The following ARID1B variants were observed in gnomAD, a reference collection of about 807,000 sequenced individuals.
The protein encoded by ARID1B is AT-rich interactive domain-containing protein 1B.
In ARID1B, 30 loss-of-function variants were observed where a neutral mutation model predicts 212.3. The ratio of observed to expected loss-of-function variants is 0.14; its 90% CI spans 0.11 to 0.19. The LOEUF is 0.19. Among genes scored for constraint, ARID1B ranks in the 10% least tolerant of loss-of-function variants. The pLI is 1.00. For missense variants in ARID1B, 2,891 were observed against 3,204.0 expected, an observed-to-expected ratio of 0.90 and a Z score of 2.36; for synonymous variants, 1,402 against 1,301.7, an observed-to-expected ratio of 1.08 and a Z score of -1.66.
intron 2 of ARID1B, among the ~76,000 whole-genome samples, chr6:156,836,906 CCA>C (rs1378393438): frequency 8.6e-5 from 13 of 150,864 alleles, no homozygotes; most frequent in African/African-American, 3.2e-4. Context: ...CTCAAGCGAT[CCA>C]CTTGCCTTGG....
At position 157,004,918 on chromosome 6, in the gene ARID1B, T is replaced by G. The variant is rs1216686417; in HGVS notation, c.2247+69342T>G. 3.2e-4 allele frequency among the ~76,000 whole-genome samples: 40 copies of G among 126,314 alleles called. 1 individual carries two copies. Among genetic ancestry groups the G allele is most frequent in the Non-Finnish European group, 2.8e-4 (17 of 60,576 alleles). The allele number at this position is 126,314 out of a possible 152,430, so 82.9% of individuals were successfully genotyped here. ...TTTTCTTTTTTTTTTTTTTTTTTTT[T>G]TTTTTTTTTTTTTGAGATGAGCCTT... On this transcript the variant is annotated intron_variant, in intron 4 of 19. Coordinates refer to ENST00000636930, the MANE Select transcript of ARID1B (RefSeq NM_001374828.1).
At position 157,080,080 on chromosome 6, in the gene ARID1B, A is replaced by G. The variant is rs536827600; in HGVS notation, c.2248-4582A>G. 2.0e-5 allele frequency among the ~76,000 whole-genome samples: 3 copies of G among 152,292 alleles called. No homozygotes were observed. In the South Asian group the frequency reaches 6.2e-4, roughly 32 times the overall value. ...ACCTGAACTGGTCTCATTGATTGAA[A>G]TATCTTCTCTATTTCTGATTCAGTG... is the stretch of plus-strand genomic sequence containing the variant. On this transcript the variant is annotated intron_variant, in intron 4 of 19. Transcript: ENST00000636930.
intron 1 of ARID1B, among the ~76,000 whole-genome samples, chr6:156,799,203 A>G (rs1183445155): frequency 3.5e-5 from 4 of 113,392 alleles, no homozygotes; most frequent in African/African-American, 6.3e-5. Flanking sequence ...TAATTCATCA[A>G]ATAATTTCTA....
At chr6:157,048,716 G>A (rs1188797918) in intron 4 of ARID1B, among the ~76,000 whole-genome samples, 1 of 152,142 alleles carries the variant, frequency 6.6e-6, no homozygotes, top group Non-Finnish European at 1.5e-5. Flanking sequence ...TGTCATAGTC[G>A]CCTGATCTCA....
At chr6:157,063,968 A>T (rs1400207942) in intron 4 of ARID1B, among the ~76,000 whole-genome samples, 1 of 152,098 alleles carries the variant, frequency 6.6e-6, no homozygotes, top group Non-Finnish European at 1.5e-5. Flanking sequence ...CTGCAGGCTG[A>T]CCTCTGTAGG....
intron 2 of ARID1B, among the ~76,000 whole-genome samples, chr6:156,837,083 GTTTC>G (rs1433028874): frequency 3.3e-5 from 5 of 152,292 alleles, no homozygotes; most frequent in East Asian, 3.9e-4. Context: ...AGAAAGAGGT[GTTTC>G]TTTCTTCTTC....
At chr6:157,032,227 C>A (rs938837433) in intron 4 of ARID1B, among the ~76,000 whole-genome samples, 2 of 152,182 alleles carry the variant, frequency 1.3e-5, no homozygotes, top group Non-Finnish European at 2.9e-5. Context: ...TTTTTAATTT[C>A]TTTACATTAA....
intron 3 of ARID1B, among the ~76,000 whole-genome samples, chr6:156,928,355 C>CA (rs746670940): frequency 1.3e-5 from 2 of 152,276 alleles, no homozygotes; most frequent in Non-Finnish European, 2.9e-5. Flanking sequence ...GGTGATGTGT[C>CA]AGACGTGCAC....
intron 2 of ARID1B, among the ~76,000 whole-genome samples, chr6:156,860,349 T>G (rs1403493259): frequency 1.6e-4 from 24 of 151,818 alleles, no homozygotes; most frequent in Admixed American, 1.6e-3. Flanking sequence ...CTTTTTTTTT[T>G]TCTTAAAAAT....
intron 4 of ARID1B, among the ~76,000 whole-genome samples, chr6:157,075,873 T>C (rs1235735335): frequency 6.6e-6 from 1 of 152,182 alleles, no homozygotes; most frequent in Non-Finnish European, 1.5e-5. Flanking sequence ...ACTGGGAAAC[T>C]GTCACAGAAT....
At chr6:156,895,025 G>C (rs943741464) in intron 2 of ARID1B, among the ~76,000 whole-genome samples, 1 of 152,184 alleles carries the variant, frequency 6.6e-6, no homozygotes, top group East Asian at 1.9e-4. Flanking sequence ...CTGTCCAGTG[G>C]TGTGGTGGTG....
intron 16 of ARID1B, among the ~76,000 whole-genome samples, chr6:157,197,694 G>A (rs981376280): frequency 6.6e-6 from 1 of 152,176 alleles, no homozygotes; most frequent in Non-Finnish European, 1.5e-5. Flanking sequence ...GTTTCTGAGG[G>A]TCCAGGAAAA....
chr6:156,973,696 ATTTG>A (rs932450734), intron 4 of ARID1B, among the ~76,000 whole-genome samples: 2 of 152,132 alleles, frequency 1.3e-5, no homozygotes, highest in African/African-American at 4.8e-5. Context: ...CTGAGACTTG[ATTTG>A]TTTGTCTTGA....
intron 2 of ARID1B, among the ~76,000 whole-genome samples, chr6:156,894,298 A>ATGGGGGCCGGGGGGTTGGGG (rs1788208456): frequency 5.4e-5 from 1 of 18,620 alleles, no homozygotes; most frequent in Non-Finnish European, 1.0e-4. Flanking sequence ...GGGGGTTGGG[A>ATGGGGGCCGGGGGGTTGGGG]TGGGGGCCGG....
In ARID1B at chr6:157,206,445, G is replaced by A. The variant is rs577067899; in HGVS notation, c.5673G>A (p.Pro1891=). The change falls in exon 20 of 20, where the codon CCG becomes CCA. Residue 1891 remains proline, a synonymous_variant. Transcript: ENST00000636930. The surrounding 1 kb of genome is among the most constrained non-coding windows in gnomAD (Gnocchi z 6.8). The part of the protein sequence containing the change: ...DEKSSIALTA[P]DAAADPKEKP... ...AGAGCAGCATCGCTCTGACTGCCCC[G>A]GACGCCGCTGCAGACCCAAAGGAGA... The A allele has an allele frequency of 9.9e-6, 16 of 1,614,108 alleles. No homozygotes were observed. The highest frequency in any genetic ancestry group is 6.7e-5 in the African/African-American group (5 of 75,020).
At chr6:156,821,033 T>C (rs1782315731) in intron 1 of ARID1B, among the ~76,000 whole-genome samples, 1 of 152,210 alleles carries the variant, frequency 6.6e-6, no homozygotes, top group Non-Finnish European at 1.5e-5. Context: ...TTGGGTGAAA[T>C]AGTATGCTGA....
intron 5 of ARID1B, among the ~76,000 whole-genome samples, chr6:157,102,383 A>G (rs1786107432): frequency 6.6e-6 from 1 of 152,198 alleles, no homozygotes; most frequent in African/African-American, 2.4e-5. Context: ...AAATGTACTT[A>G]CCATTTAAGT....
At chr6:156,883,079 G>C (rs564119908) in intron 2 of ARID1B, among the ~76,000 whole-genome samples, 67 of 152,348 alleles carry the variant, frequency 4.4e-4, no homozygotes, top group African/African-American at 1.6e-3. Flanking sequence ...CTCCCTGGGA[G>C]TTATAGTCAA....
chr6:157,012,818 A>G (rs1779694163), intron 4 of ARID1B, among the ~76,000 whole-genome samples: 1 of 152,242 alleles, frequency 6.6e-6, no homozygotes, highest in Non-Finnish European at 1.5e-5. Flanking sequence ...TGCGCAAATA[A>G]TAGGAATGGT....
Sources: gnomAD v4.1 joint callset for allele counts (sites outside exome capture counted in the v4.1 genomes callset) on GRCh38, gnomAD v4.1.1 for gene constraint, Gnocchi (gnomAD v3.1) non-coding constraint, MANE v1.5 for transcripts, NCBI Gene and HGNC (gene_info 2026-07-23, HGNC 2026-07-21) for gene names.